COL28A1: variants seen among roughly 807,000 people sequenced by gnomAD.
COL28A1 encodes collagen alpha-1(XXVIII) chain.
Under a neutral mutation model 150.2 loss-of-function variants are expected in COL28A1, and 161 were observed. That is an observed-to-expected ratio of 1.07 (90% CI 0.94 to 1.22). COL28A1 has a LOEUF of 1.22. Among genes scored for constraint, COL28A1 ranks in the 50% most tolerant of loss-of-function variants. The pLI is 0.00. For synonymous variants in COL28A1, 552 were observed against 469.7 expected (o/e 1.18, Z -2.26); for missense variants, 1,617 against 1,388.3 (o/e 1.16, Z -2.62).
chr7:7,424,249 T>C (rs1562606281), intron 25 of COL28A1, among the ~76,000 whole-genome samples: 1 of 152,194 alleles, frequency 6.6e-6, no homozygotes, highest in Non-Finnish European at 1.5e-5. Flanking sequence ...CATTTAATGA[T>C]CTGAGAATCC....
At chr7:7,483,875 T>A in intron 13 of COL28A1, among the ~76,000 whole-genome samples, 1 of 152,184 alleles carries the variant, frequency 6.6e-6, no homozygotes, top group East Asian at 1.9e-4. Context: ...AAAAAATAAC[T>A]AAGAATTTTT....
upstream of COL28A1, among the ~76,000 whole-genome samples, chr7:7,540,742 G>T (rs1391594945): frequency 6.6e-6 from 1 of 152,206 alleles, no homozygotes; most frequent in South Asian, 2.1e-4. Context: ...CATGGGCTAA[G>T]TCCCAGCACA....
chr7:7,423,557 AAT>A (rs1491117853), intron 25 of COL28A1, among the ~76,000 whole-genome samples: 1 of 120,390 alleles, frequency 8.3e-6, no homozygotes, highest in African/African-American at 5.1e-5. Context: ...AATGTTACAT[AAT>A]TTTTTTTTTA....
At chr7:7,416,181 G>C (rs1169988937) in intron 27 of COL28A1, among the ~76,000 whole-genome samples, 1 of 152,196 alleles carries the variant, frequency 6.6e-6, no homozygotes, top group Non-Finnish European at 1.5e-5. Context: ...TGAAGGAAAA[G>C]CTTATCTCAT....
chr7:7,354,639 T>A (rs970406084), downstream of COL28A1, among the ~76,000 whole-genome samples: 2 of 152,230 alleles, frequency 1.3e-5, no homozygotes, highest in African/African-American at 4.8e-5. Flanking sequence ...CAAGAATCTA[T>A]GAGTATATTA....
chr7:7,496,168 T>C (rs931084416), intron 11 of COL28A1, among the ~76,000 whole-genome samples: 1 of 152,226 alleles, frequency 6.6e-6, no homozygotes, highest in Non-Finnish European at 1.5e-5. Flanking sequence ...TGTTTTCCTT[T>C]TTTTTCTGAG....
chr7:7,496,780 A>T (rs181084075), intron 11 of COL28A1, among the ~76,000 whole-genome samples: 3 of 152,212 alleles, frequency 2.0e-5, no homozygotes, highest in East Asian at 1.9e-4. Context: ...TTTTCTTAAC[A>T]TTACAAAGAT....
intron 3 of COL28A1, among the ~76,000 whole-genome samples, chr7:7,530,275 A>C (rs1222042554): frequency 6.6e-6 from 1 of 152,204 alleles, no homozygotes; most frequent in East Asian, 1.9e-4. Flanking sequence ...AAAATGCCTA[A>C]TACAGAGAGA....
At chr7:7,409,601 A>G (rs376955966) in intron 27 of COL28A1, among the ~76,000 whole-genome samples, 133 of 152,314 alleles carry the variant, frequency 8.7e-4, no homozygotes, top group African/African-American at 3.0e-3. Context: ...ATATTTTCAA[A>G]TCTCCTTTTT....
intron 3 of COL28A1, among the ~76,000 whole-genome samples, chr7:7,526,087 G>C (rs1486094438): frequency 6.6e-6 from 1 of 152,214 alleles, no homozygotes. Context: ...AGTTAAAATG[G>C]TATTACCCTC....
At chr7:7,414,678 G>C (rs958736659) in intron 27 of COL28A1, among the ~76,000 whole-genome samples, 6 of 152,194 alleles carry the variant, frequency 3.9e-5, no homozygotes, top group African/African-American at 1.4e-4. Context: ...GGCATGGAAA[G>C]AGAAGCCCTT....
chr7:7,358,262 G>A lies in COL28A1; in HGVS notation c.*371C>T, dbSNP rs1251304812. The A allele has an allele frequency of 1.9e-5, 3 of 158,010 alleles. No individual in the cohort carries two copies. The highest frequency in any genetic ancestry group is 7.2e-5 in the African/African-American group (3 of 41,590). 9.8% of individuals were successfully genotyped at this position (158,010 alleles called of 1,614,324 possible). On this transcript the variant is annotated 3_prime_UTR_variant, in exon 35 of 35. Coordinates refer to ENST00000399429, the MANE Select transcript of COL28A1 (RefSeq NM_001037763.3). ...GTGAGTGGGTGGAGGTATGGGCAGG[G>A]ACAGGGGTAGGGGTTTGAGCTGACA...
intron 11 of COL28A1, among the ~76,000 whole-genome samples, chr7:7,495,696 C>T (rs1780169701): frequency 6.6e-6 from 1 of 152,142 alleles, no homozygotes; most frequent in African/African-American, 2.4e-5. Context: ...CCATCCACTT[C>T]AGTCCTCTAC....
intron 11 of COL28A1, among the ~76,000 whole-genome samples, chr7:7,496,247 T>C (rs1562831817): frequency 6.6e-6 from 1 of 152,232 alleles, no homozygotes; most frequent in African/African-American, 2.4e-5. Flanking sequence ...GTGGGGATGA[T>C]GCATATGATT....
At chr7:7,489,880 C>T (rs902522081) in intron 12 of COL28A1, among the ~76,000 whole-genome samples, 5 of 150,740 alleles carry the variant, frequency 3.3e-5, no homozygotes, top group African/African-American at 4.8e-5. Flanking sequence ...TTCATCTCCT[C>T]CAGAAAACTT....
intron 11 of COL28A1, among the ~76,000 whole-genome samples, chr7:7,500,245 G>T (rs1780445097): frequency 6.6e-6 from 1 of 152,094 alleles, no homozygotes; most frequent in Non-Finnish European, 1.5e-5. Context: ...TACCACATAG[G>T]CAACTGCCCA....
At chr7:7,497,942 C>T (rs1780309317) in intron 11 of COL28A1, among the ~76,000 whole-genome samples, 1 of 152,002 alleles carries the variant, frequency 6.6e-6, no homozygotes, top group Non-Finnish European at 1.5e-5. Flanking sequence ...TTTTGAATAC[C>T]AGCTATTTAG....
chr7:7,408,161 G>A lies in COL28A1; in HGVS notation c.2136+9698C>T, dbSNP rs139762675. ...AGGCACTAGTTCCTACATTACAGCC[G>A]TGCTCATGATTCCCGCTCTGACAAT... is the stretch of plus-strand genomic sequence containing the variant. On this transcript the variant is annotated intron_variant, in intron 27 of 34. Transcript: ENST00000399429. Among the ~76,000 whole-genome samples the A allele has an allele frequency of 7.2e-4, 110 of 152,080 alleles. 1 individual carries two copies. In the South Asian group the frequency reaches 8.7e-3, roughly 12 times the overall value.
chr7:7,524,680 G>T (rs973050204), intron 3 of COL28A1, among the ~76,000 whole-genome samples: 1 of 151,936 alleles, frequency 6.6e-6, no homozygotes, highest in African/African-American at 2.4e-5. Context: ...TATTTTTCAT[G>T]ATTTATTTTT....
Sources: allele counts gnomAD v4.1 joint callset (sites outside exome capture counted in the v4.1 genomes callset), GRCh38; gene constraint gnomAD v4.1.1; transcripts MANE v1.5; gene names NCBI Gene and HGNC (gene_info 2026-07-23, HGNC 2026-07-21).